Variants in PLEKHG6 observed in about 807,000 individuals in gnomAD.
PLEKHG6 encodes the protein pleckstrin homology and RhoGEF domain containing G6.
PLEKHG6 carries 91 observed loss-of-function variants against 97.5 expected under a neutral mutation model. The observed-to-expected ratio is 0.93, with a 90% CI of 0.79 to 1.11. The LOEUF is 1.11. PLEKHG6 is among the 50% of genes most tolerant of loss of function. The pLI is 0.00. For missense variants in PLEKHG6, 1,044 were observed against 1,031.0 expected (o/e 1.01, Z -0.17); for synonymous variants, 466 against 425.5 (o/e 1.10, Z -1.17).
In PLEKHG6 at chr12:6,316,266, G is replaced by A. The variant is rs1267049366; in HGVS notation, c.618G>A (p.Glu206=). 6.4e-7 allele frequency: 1 copy of A among 1,553,578 alleles called. No individual in the cohort carries two copies. Among genetic ancestry groups the A allele is most frequent in the South Asian group, 1.2e-5 (1 of 84,042 alleles). The part of the protein sequence containing the change: ...RVGLLMEVSA[E]TLFGNVPSLI... ...GCTCCCTCCTCCAGGTGTCAGCTGA[G>A]ACCCTGTTTGGAAATGTCCCCAGCC... is the stretch of plus-strand genomic sequence containing the variant. The change falls in exon 7 of 16, where the codon GAG becomes GAA. Residue 206 remains glutamate, a synonymous_variant. Transcript: ENST00000684764. The surrounding 1 kb of genome is among the most constrained non-coding windows in gnomAD (Gnocchi z 4.1).
intron 13 of PLEKHG6, among the ~76,000 whole-genome samples, chr12:6,321,302 G>A (rs569289390): frequency 2.0e-5 from 3 of 152,214 alleles, no homozygotes; most frequent in Admixed American, 6.5e-5. Flanking sequence ...GATTACAGGC[G>A]TGAGCCACCG....
rs1384408243 is a variant in PLEKHG6 at position 6,317,270 on chromosome 12, C to A, written c.757-33C>A. 3 of 1,409,088 alleles carry A rather than the reference C, an allele frequency of 2.1e-6. No homozygotes were observed. The East Asian group carries it at 6.8e-5, about 32-fold the overall frequency. 87.3% of individuals were successfully genotyped at this position (1,409,088 alleles called of 1,614,324 possible). On this transcript the variant is annotated intron_variant, in intron 7 of 15. Transcript: ENST00000684764. Reference sequence around the variant, plus strand: ...CTGTATTCATGGCCTTCTCCCCATGCCTGCTCCCCACCTCCCGTATCTGTC... The same window carrying A: ...CTGTATTCATGGCCTTCTCCCCATGACTGCTCCCCACCTCCCGTATCTGTC...
At position 6,312,250 on chromosome 12, in the gene PLEKHG6, T is replaced by C. The variant is rs746721798; in HGVS notation, c.24T>C (p.His8=). The C allele has an allele frequency of 2.6e-6, 4 of 1,535,718 alleles. No individual in the cohort carries two copies. Among genetic ancestry groups the C allele is most frequent in the Non-Finnish European group, 2.6e-6 (3 of 1,148,304 alleles). MKAFGPP[H]EGPLQGLVAS... ...GGATGAAGGCCTTTGGTCCTCCACA[T>C]GAGGGCCCCCTCCAAGGACTCGTGG... Residue 8 remains histidine (H), a synonymous_variant, in exon 2 of 16, where the codon CAT becomes CAC. Transcript: ENST00000684764.
At chr12:6,320,256 A>G (rs1197754202) in intron 13 of PLEKHG6, among the ~76,000 whole-genome samples, 4 of 152,120 alleles carry the variant, frequency 2.6e-5, no homozygotes, top group Admixed American at 1.3e-4. Context: ...CAGGGGAGTG[A>G]TGTGAGCAGA....
At chr12:6,313,143 G>A in intron 2 of PLEKHG6, 2 of 1,546,740 alleles carry the variant, frequency 1.3e-6, no homozygotes, top group Non-Finnish European at 1.7e-6. Context: ...ACTCCCAGCT[G>A]GATGGGATGC....
chr12:6,317,222 C>T, intron 7 of PLEKHG6, 81 bp from the exon 8 acceptor site: 3 of 895,360 alleles, frequency 3.4e-6, no homozygotes, highest in African/African-American at 3.3e-5. Context: ...TCTTCACCTG[C>T]TCCTGGGTCC....
chr12:6,318,634 C>A, intron 11 of PLEKHG6, 111 bp from the exon 12 acceptor site: 3 of 1,296,878 alleles, frequency 2.3e-6, no homozygotes, highest in Non-Finnish European at 3.3e-6. Context: ...CGCATTTGGG[C>A]TCTGCGTGTG....
Position 6,327,253 on chromosome 12 carries a change from G to T in PLEKHG6, c.1671-1G>T. On this transcript the variant is annotated splice_acceptor_variant, in intron 14 of 15. Transcript: ENST00000684764. LOFTEE classifies it high-confidence loss of function. Reference sequence around the variant, plus strand: ...ATCTGACTCTTTGCCATTAACTGTAGGACTCCTGAGTTCTCGACCATTATC... The same window carrying T: ...ATCTGACTCTTTGCCATTAACTGTATGACTCCTGAGTTCTCGACCATTATC... The T allele has an allele frequency of 6.4e-7, 1 of 1,573,774 alleles. No individual in the cohort carries two copies. Among genetic ancestry groups the T allele is most frequent in the South Asian group, 1.2e-5 (1 of 86,490 alleles).
In PLEKHG6 at chr12:6,315,402, C is replaced by G. The variant is rs1407438865; in HGVS notation, c.460-152C>G. 7 of 663,074 alleles carry G rather than the reference C, an allele frequency of 1.1e-5. No homozygotes were observed. Among genetic ancestry groups the G allele is most frequent in the African/African-American group, 1.8e-5 (1 of 54,864 alleles). 41.1% of individuals were successfully genotyped at this position (663,074 alleles called of 1,614,324 possible). ...ATATGTAAAGTGGGGATAATACCAC[C>G]TACACATCAGAGCACTGGTTTGAGG... On this transcript the variant is annotated intron_variant, in intron 4 of 15. Coordinates refer to ENST00000684764, the MANE Select transcript of PLEKHG6 (RefSeq NM_001384598.1). This position sits in a 1 kb window ranked among gnomAD's most constrained non-coding sequence, Gnocchi z 4.5.
chr12:6,313,046 C>A, intron 2 of PLEKHG6: 1 of 1,509,056 alleles, frequency 6.6e-7, no homozygotes, highest in South Asian at 1.2e-5. Context: ...GTAATTCAGG[C>A]CACAGGCAAA....
chr12:6,318,985 C>A lies in PLEKHG6; in HGVS notation c.1409-8C>A, dbSNP rs763465595. 2.4e-5 allele frequency: 38 copies of A among 1,612,810 alleles called. No individual in the cohort carries two copies. The highest frequency in any genetic ancestry group is 3.1e-5 in the Non-Finnish European group (36 of 1,179,052). The stretch of plus-strand genomic sequence containing the variant: ...GCTGGCCTCTTGAAGGTTGTCTCCT[C>A]CATCCAGACAGCTTCCTGCTGATCC... On this transcript the variant is annotated splice_polypyrimidine_tract_variant and splice_region_variant and intron_variant, in intron 12 of 15. Transcript: ENST00000684764.
chr12:6,320,885 G>A (rs1947680688), intron 13 of PLEKHG6, among the ~76,000 whole-genome samples: 1 of 152,190 alleles, frequency 6.6e-6, no homozygotes, highest in Admixed American at 6.5e-5. Flanking sequence ...GGCCATATCT[G>A]CCTAAGTATG....
At chr12:6,320,874 C>T (rs531759250) in intron 13 of PLEKHG6, among the ~76,000 whole-genome samples, 13 of 152,262 alleles carry the variant, frequency 8.5e-5, no homozygotes, top group Admixed American at 4.6e-4. Flanking sequence ...TCTGGAATGA[C>T]GGCCATATCT....
intron 14 of PLEKHG6, 102 bp from the exon 15 acceptor site, chr12:6,327,152 A>C: frequency 1.4e-6 from 1 of 715,746 alleles, no homozygotes; most frequent in Non-Finnish European, 2.4e-6. Context: ...TGATACCAAA[A>C]TAAGTTTGGA....
chr12:6,313,642 G>A lies in PLEKHG6; in HGVS notation c.152G>A (p.Arg51Gln), dbSNP rs763829598. ...RGYPVLDPSR[R>Q]RLQQYVPFAR... Reference sequence around the variant, plus strand: ...CTCCTCTCCCAGGATCCCAGTCGCCGACGCCTCCAGCAGTATGTCCCCTTT... The same window carrying A: ...CTCCTCTCCCAGGATCCCAGTCGCCAACGCCTCCAGCAGTATGTCCCCTTT... Residue 51 changes from arginine (R) to glutamine (Q), a missense_variant, in exon 3 of 16, where the codon CGA (arginine) becomes CAA (glutamine). By Grantham distance (43) the Arg-to-Gln change is conservative. Transcript: ENST00000684764. 45 of 1,613,910 alleles carry A rather than the reference G, an allele frequency of 2.8e-5. No homozygotes were observed. In the South Asian group the frequency reaches 3.6e-4, roughly 13 times the overall value.
intron 2 of PLEKHG6, chr12:6,312,882 A>T: frequency 7.4e-7 from 1 of 1,348,704 alleles, no homozygotes; most frequent in Non-Finnish European, 9.6e-7. Flanking sequence ...TGTGGAAGCC[A>T]GGTCTGTCCC....
intron 13 of PLEKHG6, among the ~76,000 whole-genome samples, chr12:6,321,486 C>T (rs190834129): frequency 6.6e-6 from 1 of 152,120 alleles, no homozygotes; most frequent in African/African-American, 2.4e-5. Context: ...TTTAGTGCCA[C>T]AGCCTTAGGG....
In PLEKHG6 at chr12:6,316,656, G is replaced by A. The variant is rs531517300; in HGVS notation, c.756+252G>A. On this transcript the variant is annotated intron_variant, in intron 7 of 15. Transcript: ENST00000684764. The surrounding 1 kb of genome is among the most constrained non-coding windows in gnomAD (Gnocchi z 4.1). ...TGTCTCAGAGAAGGGTCACACCTTG[G>A]CTCCCATCAACTACAAAAGCTGGGT... 2.0e-5 allele frequency among the ~76,000 whole-genome samples: 3 copies of A among 152,120 alleles called. No homozygotes were observed. Among genetic ancestry groups the A allele is most frequent in the Non-Finnish European group, 4.4e-5 (3 of 68,014 alleles).
At chr12:6,325,789 T>G (rs550644844) in intron 13 of PLEKHG6, among the ~76,000 whole-genome samples, 1 of 152,258 alleles carries the variant, frequency 6.6e-6, no homozygotes, top group East Asian at 1.9e-4. Flanking sequence ...CAATGGGACA[T>G]GAGAAGCAGG....
Sources: gnomAD v4.1 joint callset for allele counts (sites outside exome capture counted in the v4.1 genomes callset) on GRCh38, gnomAD v4.1.1 for gene constraint, Gnocchi (gnomAD v3.1) non-coding constraint, MANE v1.5 for transcripts, NCBI Gene and HGNC (gene_info 2026-07-23, HGNC 2026-07-21) for gene names.